SERPINB5: variants seen among roughly 807,000 people sequenced by gnomAD.
SERPINB5 encodes the protein serpin family B member 5, also known as serpin B5.
A neutral mutation model predicts 32.2 loss-of-function variants in SERPINB5; 27 were observed. That is an observed-to-expected ratio of 0.84 (90% CI 0.62 to 1.16). SERPINB5 has a LOEUF of 1.16. SERPINB5 is among the 50% of genes most tolerant of loss of function. The pLI is 0.00. For missense variants in SERPINB5, 388 were observed against 436.3 expected, an observed-to-expected ratio of 0.89 and a Z score of 0.99; for synonymous variants, 154 against 157.4, an observed-to-expected ratio of 0.98 and a Z score of 0.16.
chr18:63,486,794 T>C, intron 2 of SERPINB5, 152 bp from the exon 3 acceptor site: 1 of 691,926 alleles, frequency 1.4e-6, no homozygotes, highest in South Asian at 2.1e-5. Flanking sequence ...AGCCTGAATG[T>C]CAATAGTGCT....
At chr18:63,481,775 A>G (rs1489645688) in intron 1 of SERPINB5, among the ~76,000 whole-genome samples, 5 of 152,190 alleles carry the variant, frequency 3.3e-5, no homozygotes, top group East Asian at 1.9e-4. Context: ...TGGGTGAAAC[A>G]CTCAACAGGC....
chr18:63,486,733 A>C (rs998930095), intron 2 of SERPINB5: 13 of 419,918 alleles, frequency 3.1e-5, no homozygotes, highest in African/African-American at 2.6e-4. Flanking sequence ...TAGGTCAGCG[A>C]TGCTGCTAAG....
At chr18:63,502,406 A>T (rs192293507) in intron 6 of SERPINB5, among the ~76,000 whole-genome samples, 123 of 152,186 alleles carry the variant, frequency 8.1e-4, no homozygotes, top group African/African-American at 2.7e-3. Flanking sequence ...AAGTGCTGGG[A>T]TTGCAGGCGT....
chr18:63,487,154 A>T, intron 3 of SERPINB5, 71 bp downstream of exon 3: 1 of 1,482,036 alleles, frequency 6.7e-7, no homozygotes, highest in East Asian at 2.3e-5. Flanking sequence ...TGTTAGACCT[A>T]CAACTTTTTT....
rs962049609 is a variant in SERPINB5, at chr18:63,495,328, C to T, written c.567+2233C>T. On this transcript the variant is annotated intron_variant, in intron 5 of 6. Transcript: ENST00000382771. ...TCTTTTATCTGGAGTGGAAGTGGAA[C>T]GTGACTTTACCCAGCCTCTACTGTG... Among the ~76,000 whole-genome samples, 18 of 152,026 alleles carry T rather than the reference C, an allele frequency of 1.2e-4. 1 individual carries two copies. The highest frequency in any genetic ancestry group is 9.3e-4 in the Admixed American group (14 of 15,066).
intron 3 of SERPINB5, among the ~76,000 whole-genome samples, chr18:63,488,036 T>G (rs1441061010): frequency 6.7e-6 from 1 of 150,276 alleles, no homozygotes; most frequent in South Asian, 2.1e-4. Context: ...AAAACTGAGA[T>G]GTGAGTTGAA....
intron 5 of SERPINB5, chr18:63,497,155 G>T: frequency 1.5e-6 from 1 of 649,216 alleles, no homozygotes; most frequent in South Asian, 1.4e-5. Context: ...AGGAGTTCTA[G>T]ACCAGGTTGT....
chr18:63,489,479 A>C lies in SERPINB5; in HGVS notation c.424+15A>C, dbSNP rs772831406. 2.1e-6 allele frequency: 3 copies of C among 1,442,036 alleles called. No homozygotes were observed. The African/African-American group carries it at 4.2e-5, about 20-fold the overall frequency. 89.3% of individuals were successfully genotyped at this position (1,442,036 alleles called of 1,614,324 possible). A position where few individuals can be genotyped will look rare whatever the true frequency, so the allele number is the denominator to read the frequency against. On this transcript the variant is annotated intron_variant, in intron 4 of 6. Transcript: ENST00000382771. ...TCTCACAGATGGCAAGTACCCTTTA[A>C]TTGTTCTGCTATCAATCACCAAGTA...
intron 1 of SERPINB5, among the ~76,000 whole-genome samples, chr18:63,478,470 A>C (rs1281894261): frequency 6.6e-6 from 1 of 152,244 alleles, no homozygotes; most frequent in Admixed American, 6.5e-5. Context: ...TCACTTAATC[A>C]CTTCGTTTAG....
chr18:63,491,918 C>T (rs1435908314), intron 4 of SERPINB5, among the ~76,000 whole-genome samples: 2 of 152,124 alleles, frequency 1.3e-5, no homozygotes, highest in African/African-American at 2.4e-5. Flanking sequence ...ATTGGCAGGA[C>T]CAGTTACATA....
chr18:63,487,795 T>G (rs905936246), intron 3 of SERPINB5, among the ~76,000 whole-genome samples: 10 of 152,272 alleles, frequency 6.6e-5, no homozygotes, highest in Admixed American at 3.3e-4. Context: ...ACAGAGTTGA[T>G]TTAGTTCCTG....
At position 63,498,948 on chromosome 18, in the gene SERPINB5, T is replaced by A. The variant is rs1909509877; in HGVS notation, c.568-172T>A. 6.6e-6 allele frequency among the ~76,000 whole-genome samples: 1 copy of A among 150,584 alleles called. No homozygotes were observed. On this transcript the variant is annotated intron_variant, in intron 5 of 6. Coordinates refer to ENST00000382771, the MANE Select transcript of SERPINB5 (RefSeq NM_002639.5). This position sits in a 1 kb window ranked among gnomAD's most constrained non-coding sequence, Gnocchi z 4.2. ...GTGTATATATAGGTGTATGTATATA[T>A]GTATGTGTATCTGTATATATATAGG... is the stretch of plus-strand genomic sequence containing the variant.
chr18:63,492,881 A>C, intron 4 of SERPINB5, 72 bp from the exon 5 acceptor site: 2 of 1,534,000 alleles, frequency 1.3e-6, no homozygotes, highest in South Asian at 1.3e-5. Context: ...TACTCAGTGA[A>C]TATGCATGTG....
intron 1 of SERPINB5, among the ~76,000 whole-genome samples, chr18:63,478,142 A>C (rs541128902): frequency 1.3e-5 from 2 of 152,322 alleles, no homozygotes; most frequent in African/African-American, 4.8e-5. Flanking sequence ...TCTCCAAAGG[A>C]AATGAGTCAG....
intron 6 of SERPINB5, among the ~76,000 whole-genome samples, chr18:63,499,831 A>G (rs1187679959): frequency 1.3e-5 from 2 of 151,948 alleles, no homozygotes; most frequent in East Asian, 1.9e-4. Flanking sequence ...AAATTAGTAG[A>G]TGTTATTTTT....
chr18:63,486,802 G>A, intron 2 of SERPINB5, 144 bp from the exon 3 acceptor site: 1 of 748,478 alleles, frequency 1.3e-6, no homozygotes, highest in Non-Finnish European at 2.2e-6. Context: ...TGTCAATAGT[G>A]CTGAGGTTGA....
At chr18:63,491,398 G>T (rs1234578071) in intron 4 of SERPINB5, among the ~76,000 whole-genome samples, 1 of 94,022 alleles carries the variant, frequency 1.1e-5, no homozygotes, top group African/African-American at 4.2e-5. Context: ...GAGAAACTGC[G>T]TCTCCCAAAA....
At position 63,504,321 on chromosome 18, in the gene SERPINB5, T is replaced by C. The variant is rs1005630644; in HGVS notation, c.*599T>C. On this transcript the variant is annotated 3_prime_UTR_variant, in exon 7 of 7. Transcript: ENST00000382771. ...AATATTTTACATACACTGTATGTTATAGAACTTCATGGATCAGATCTGGGG... is the reference window on the plus strand; with the variant it reads ...AATATTTTACATACACTGTATGTTACAGAACTTCATGGATCAGATCTGGGG... 2.0e-5 allele frequency: 3 copies of C among 152,624 alleles called. No homozygotes were observed. Among genetic ancestry groups the C allele is most frequent in the African/African-American group, 4.8e-5 (2 of 41,442 alleles). 9.5% of individuals were successfully genotyped at this position (152,624 alleles called of 1,614,324 possible).
chr18:63,499,047 G>GTATATATATA (rs55944702), intron 5 of SERPINB5, 73 bp from the exon 6 acceptor site: 11,939 of 495,898 alleles, frequency 0.024, 289 homozygotes, highest in Admixed American at 0.037. Flanking sequence ...GCGCGTGTGT[G>GTATATATATA]TATATATATA....
Sources: allele counts gnomAD v4.1 joint callset (sites outside exome capture counted in the v4.1 genomes callset), GRCh38; gene constraint gnomAD v4.1.1; non-coding constraint Gnocchi (gnomAD v3.1); transcripts MANE v1.5; gene names NCBI Gene and HGNC (gene_info 2026-07-23, HGNC 2026-07-21).